CATSPERB: variants seen among roughly 807,000 people sequenced by gnomAD.
CATSPERB encodes the protein catsper channel auxiliary subunit beta, also known as cation channel sperm-associated auxiliary subunit beta.
Under a neutral mutation model 128.3 loss-of-function variants are expected in CATSPERB, and 93 were observed. That is an observed-to-expected ratio of 0.72 (90% confidence interval 0.61 to 0.86). The LOEUF (loss-of-function observed/expected upper bound fraction) is 0.86, where lower values mean the gene tolerates loss of function less well. Among genes scored for constraint, CATSPERB ranks in the 40% least tolerant of loss-of-function variants. The probability of loss-of-function intolerance (pLI) is 0.00; values close to 1 mark genes in which losing one functional copy is unlikely to be tolerated. For synonymous variants in CATSPERB, 381 were observed against 448.8 expected, an observed-to-expected ratio of 0.85 and a Z score of 1.91; for missense variants, 1,153 against 1,329.5, an observed-to-expected ratio of 0.87 and a Z score of 2.06.
chr14:91,612,334 A>G (rs1893851209), intron 20 of CATSPERB, among the ~76,000 whole-genome samples: 1 of 152,310 alleles, frequency 6.6e-6, no homozygotes, highest in Admixed American at 6.5e-5. Flanking sequence ...AAATTTTTAT[A>G]GAGACGGGGT....
chr14:91,637,073 C>T (rs920311805), intron 16 of CATSPERB, among the ~76,000 whole-genome samples: 1 of 152,188 alleles, frequency 6.6e-6, no homozygotes. Flanking sequence ...CCCTTGCAGT[C>T]TACCCAGGCA....
chr14:91,650,986 T>C (rs895396590), intron 15 of CATSPERB, among the ~76,000 whole-genome samples: 1 of 152,224 alleles, frequency 6.6e-6, no homozygotes, highest in Non-Finnish European at 1.5e-5. Context: ...TTTCCAACAT[T>C]ATCTTGCTAG....
chr14:91,637,863 G>T (rs371650144), intron 16 of CATSPERB, among the ~76,000 whole-genome samples: 92 of 152,088 alleles, frequency 6.0e-4, no homozygotes, highest in Admixed American at 3.3e-4. Flanking sequence ...AAATTGTGAA[G>T]TTGGTGAAAA....
intron 15 of CATSPERB, among the ~76,000 whole-genome samples, chr14:91,640,384 T>TCCCGCCC (rs1566715007): frequency 1.4e-5 from 1 of 70,918 alleles, no homozygotes; most frequent in Non-Finnish European, 2.7e-5. Context: ...CCCAATGCTA[T>TCCCGCCC]CCCTCCCCCC....
At position 91,662,541 on chromosome 14, in the gene CATSPERB, ATG is replaced by A. The variant is rs544088765; in HGVS notation, c.1288-2562_1288-2561del. Among the ~76,000 whole-genome samples, 318 of 152,306 alleles carry A rather than the reference ATG, an allele frequency of 2.1e-3. 3 individuals are homozygous for A. The highest frequency in any genetic ancestry group is 6.9e-3 in the African/African-American group (288 of 41,568). On this transcript the variant is annotated intron_variant, in intron 14 of 26. Coordinates refer to ENST00000256343, the MANE Select transcript of CATSPERB (RefSeq NM_024764.4). ...AACATTTTAAAATGTCTCCGGATAT[ATG>A]TGTTTCCCTTGCTGAAAAGTGAAAT... is the stretch of plus-strand genomic sequence containing the variant.
At chr14:91,654,669 G>A (rs1461880039) in intron 15 of CATSPERB, among the ~76,000 whole-genome samples, 3 of 152,188 alleles carry the variant, frequency 2.0e-5, no homozygotes. Context: ...GCTGGGGCTG[G>A]GGGCAACTCA....
intron 13 of CATSPERB, among the ~76,000 whole-genome samples, chr14:91,672,533 G>A (rs1472924096): frequency 6.6e-6 from 1 of 152,016 alleles, no homozygotes; most frequent in African/African-American, 2.4e-5. Flanking sequence ...ATAGATCTGT[G>A]GCAATTACTT....
chr14:91,713,024 A>C (rs1162636211), intron 5 of CATSPERB, among the ~76,000 whole-genome samples: 1 of 152,246 alleles, frequency 6.6e-6, no homozygotes, highest in African/African-American at 2.4e-5. Flanking sequence ...GATCTGCTGT[A>C]TATGAAGCAG....
intron 22 of CATSPERB, among the ~76,000 whole-genome samples, chr14:91,595,063 A>G (rs2139763098): frequency 6.6e-6 from 1 of 151,816 alleles, no homozygotes; most frequent in African/African-American, 2.4e-5. Context: ...ATTGAAAAAA[A>G]TATTAGGCAA....
intron 23 of CATSPERB, among the ~76,000 whole-genome samples, chr14:91,590,597 G>A (rs1352435247): frequency 6.6e-6 from 1 of 151,914 alleles, no homozygotes; most frequent in Non-Finnish European, 1.5e-5. Flanking sequence ...CCAACATATT[G>A]TGTATATACA....
intron 12 of CATSPERB, 103 bp downstream of exon 12, chr14:91,674,073 C>T: frequency 1.5e-6 from 1 of 665,074 alleles, no homozygotes; most frequent in Non-Finnish European, 2.6e-6. Flanking sequence ...GATTGTGAAG[C>T]CTTTCAGTCT....
chr14:91,693,245 C>G lies in CATSPERB; in HGVS notation c.713-1G>C. ...TCCACCAATGAAAGGTCTTCATATT[C>G]TAAACGAAGAAATCATACCATGGAT... On this transcript the variant is annotated splice_acceptor_variant, in intron 8 of 26. Transcript: ENST00000256343. LOFTEE classifies it high-confidence loss of function. 1 of 1,603,156 alleles carries G rather than the reference C, an allele frequency of 6.2e-7. No individual in the cohort carries two copies. The highest frequency in any genetic ancestry group is 1.1e-5 in the South Asian group (1 of 90,366).
At chr14:91,604,821 G>C in intron 22 of CATSPERB, 1 of 1,549,106 alleles carries the variant, frequency 6.5e-7, no homozygotes, top group South Asian at 1.1e-5. Context: ...GAGGCCTTCT[G>C]AGTCACACCA....
intron 20 of CATSPERB, among the ~76,000 whole-genome samples, chr14:91,616,611 A>G (rs2139782734): frequency 6.6e-6 from 1 of 152,248 alleles, no homozygotes; most frequent in East Asian, 1.9e-4. Context: ...TTCATTTAGT[A>G]GCTCATCTTT....
At chr14:91,687,435 C>G (rs1432031889) in intron 10 of CATSPERB, among the ~76,000 whole-genome samples, 3 of 152,052 alleles carry the variant, frequency 2.0e-5, no homozygotes, top group Non-Finnish European at 4.4e-5. Flanking sequence ...TAAAAGAGAA[C>G]CCAGGGAGAT....
intron 17 of CATSPERB, chr14:91,636,164 A>C (rs1043362596): frequency 5.5e-5 from 18 of 328,048 alleles, no homozygotes; most frequent in Non-Finnish European, 8.3e-5. Flanking sequence ...GGGGTTTGAG[A>C]CCAGCCTGGG....
chr14:91,693,280 A>G, intron 8 of CATSPERB, 36 bp from the exon 9 acceptor site: 1 of 1,571,540 alleles, frequency 6.4e-7, no homozygotes, highest in Non-Finnish European at 8.7e-7. Flanking sequence ...TTAAAAAGTA[A>G]GAAAAAAGTG....
chr14:91,718,277 A>G (rs1468672418), intron 5 of CATSPERB, among the ~76,000 whole-genome samples: 1 of 152,228 alleles, frequency 6.6e-6, no homozygotes, highest in African/African-American at 2.4e-5. Flanking sequence ...AATAAAGGGT[A>G]AAGAGAGTGA....
intron 7 of CATSPERB, among the ~76,000 whole-genome samples, chr14:91,694,056 T>G (rs982250996): frequency 4.0e-4 from 61 of 152,330 alleles, no homozygotes; most frequent in Middle Eastern, 3.4e-3. Context: ...AAATGGTATA[T>G]AATTTCCTGA....
Sources: gnomAD v4.1 joint callset for allele counts (sites outside exome capture counted in the v4.1 genomes callset) on GRCh38, gnomAD v4.1.1 for gene constraint, MANE v1.5 for transcripts, NCBI Gene and HGNC (gene_info 2026-07-23, HGNC 2026-07-21) for gene names.